THSD7A: variants seen among roughly 807,000 people sequenced by gnomAD.
THSD7A encodes the protein thrombospondin type-1 domain-containing protein 7A.
THSD7A carries 96 observed loss-of-function variants against 231.3 expected under a neutral mutation model. That is an observed-to-expected ratio of 0.41 (90% CI 0.35 to 0.49). The LOEUF (loss-of-function observed/expected upper bound fraction) is 0.49, where lower values mean the gene tolerates loss of function less well. Among genes scored for constraint, THSD7A ranks in the 20% least tolerant of loss-of-function variants. The pLI, the probability that THSD7A is intolerant of heterozygous loss-of-function variation, is 0.05. For synonymous variants in THSD7A, 940 were observed against 743.3 expected, an observed-to-expected ratio of 1.26 and a Z score of -4.30; for missense variants, 2,290 against 2,070.2, an observed-to-expected ratio of 1.11 and a Z score of -2.06.
chr7:11,462,778 G>A (rs542848812), intron 9 of THSD7A, among the ~76,000 whole-genome samples: 153 of 151,838 alleles, frequency 1.0e-3, no homozygotes, highest in African/African-American at 3.6e-3. Context: ...AGTCAAAATA[G>A]CAATAATTAC....
chr7:11,505,278 T>C (rs1231287665), intron 6 of THSD7A, among the ~76,000 whole-genome samples: 1 of 152,176 alleles, frequency 6.6e-6, no homozygotes. Context: ...CAAATTCTTC[T>C]CTCAAAATGT....
chr7:11,771,321 C>A (rs954049793), intron 1 of THSD7A, among the ~76,000 whole-genome samples: 4 of 151,586 alleles, frequency 2.6e-5, no homozygotes, highest in Non-Finnish European at 5.9e-5. Flanking sequence ...ATCTTTAACA[C>A]TTATTAGAAA....
chr7:11,773,908 G>T (rs1487386598), intron 1 of THSD7A, among the ~76,000 whole-genome samples: 1 of 152,120 alleles, frequency 6.6e-6, no homozygotes, highest in African/African-American at 2.4e-5. Flanking sequence ...CAAATGGCAT[G>T]AAGAGACAAT....
chr7:11,502,004 T>A (rs953674384), intron 6 of THSD7A, among the ~76,000 whole-genome samples: 1 of 152,046 alleles, frequency 6.6e-6, no homozygotes, highest in African/African-American at 2.4e-5. Flanking sequence ...CAAACAACCC[T>A]ATGCACACAA....
chr7:11,565,320 A>G (rs143537351), intron 4 of THSD7A, among the ~76,000 whole-genome samples: 392 of 152,330 alleles, frequency 2.6e-3, no homozygotes, highest in African/African-American at 9.0e-3. Context: ...AAGTTCTGCA[A>G]ACAGCTCCAC....
intron 1 of THSD7A, among the ~76,000 whole-genome samples, chr7:11,731,198 A>C (rs551710120): frequency 6.6e-6 from 1 of 151,480 alleles, no homozygotes; most frequent in African/African-American, 2.4e-5. Context: ...ATAGTGTCAT[A>C]TTTTACTGTT....
At chr7:11,513,159 G>A (rs117201869) in intron 6 of THSD7A, among the ~76,000 whole-genome samples, 2,424 of 151,316 alleles carry the variant, frequency 0.016, 29 homozygotes, top group Admixed American at 0.028. Context: ...GACTTGGGGG[G>A]AAGAGTGGGA....
At chr7:11,594,867 TGTCTA>T (rs1233203152) in intron 2 of THSD7A, among the ~76,000 whole-genome samples, 9 of 152,262 alleles carry the variant, frequency 5.9e-5, no homozygotes, top group Non-Finnish European at 7.3e-5. Context: ...CCTCACCAGG[TGTCTA>T]CTGTTAAAGT....
chr7:11,765,310 A>T (rs1290304536), intron 1 of THSD7A, among the ~76,000 whole-genome samples: 1 of 152,180 alleles, frequency 6.6e-6, no homozygotes, highest in Non-Finnish European at 1.5e-5. Context: ...TTTCTCATAG[A>T]ATTATGAATA....
At chr7:11,532,013 G>C (rs1381384590) in intron 6 of THSD7A, among the ~76,000 whole-genome samples, 1 of 152,126 alleles carries the variant, frequency 6.6e-6, no homozygotes, top group Non-Finnish European at 1.5e-5. Context: ...GAATGTGGCA[G>C]AAGTGGTCTT....
Position 11,474,221 on chromosome 7 carries a change from A to T in THSD7A, c.2252+113T>A. On this transcript the variant is annotated intron_variant, in intron 8 of 27. Coordinates refer to ENST00000423059, the MANE Select transcript of THSD7A (RefSeq NM_015204.3). This position sits in a 1 kb window ranked among gnomAD's most constrained non-coding sequence, Gnocchi z 4.1. ...TCAAAACAAACAAATCTTGCTCTTG[A>T]GGACAGGTATGACAAGCATCAAAAT... is the stretch of plus-strand genomic sequence containing the variant. 1 of 862,402 alleles carries T rather than the reference A, an allele frequency of 1.2e-6. No individual in the cohort carries two copies. The highest frequency in any genetic ancestry group is 1.7e-6 in the Non-Finnish European group (1 of 572,518). 53.4% of individuals were successfully genotyped at this position (862,402 alleles called of 1,614,324 possible).
intron 1 of THSD7A, among the ~76,000 whole-genome samples, chr7:11,711,966 C>G (rs970375390): frequency 6.6e-5 from 10 of 151,016 alleles, no homozygotes; most frequent in African/African-American, 1.7e-4. Flanking sequence ...GGGTATCGTC[C>G]TCTAGGTGGT....
intron 1 of THSD7A, among the ~76,000 whole-genome samples, chr7:11,671,797 A>G (rs1441061170): frequency 2.6e-5 from 4 of 152,212 alleles, no homozygotes; most frequent in Non-Finnish European, 4.4e-5. Flanking sequence ...AATCCAAACT[A>G]GGATGCTTAA....
chr7:11,410,501 C>T (rs1250922793), intron 19 of THSD7A: 2 of 152,288 alleles, frequency 1.3e-5, no homozygotes, highest in Middle Eastern at 3.4e-3. Flanking sequence ...ACCTCAGATG[C>T]ATGGAGAGTC....
chr7:11,736,865 A>T lies in THSD7A; in HGVS notation c.190+94892T>A, dbSNP rs145302311. On this transcript the variant is annotated intron_variant, in intron 1 of 27. Coordinates refer to ENST00000423059, the MANE Select transcript of THSD7A (RefSeq NM_015204.3). ...ACAATCCCCACCTGTCATAGGAAGG[A>T]TCTGGTGGGAGATAATTGAATCATG... Among the ~76,000 whole-genome samples, 479 of 152,132 alleles carry T rather than the reference A, an allele frequency of 3.1e-3. 3 individuals carry two copies. Among genetic ancestry groups the T allele is most frequent in the South Asian group, 0.018 (86 of 4,820 alleles).
chr7:11,477,725 A>G (rs1786251505), intron 7 of THSD7A, among the ~76,000 whole-genome samples: 1 of 152,044 alleles, frequency 6.6e-6, no homozygotes, highest in African/African-American at 2.4e-5. Flanking sequence ...TACTTCTTCT[A>G]TTGCAGCTGT....
At chr7:11,638,261 G>A (rs993504015) in intron 1 of THSD7A, among the ~76,000 whole-genome samples, 3 of 152,338 alleles carry the variant, frequency 2.0e-5, no homozygotes, top group African/African-American at 7.2e-5. Context: ...CAGGAAACAA[G>A]AAGGGAAAGT....
At chr7:11,412,148 A>G (rs1783808237) in intron 18 of THSD7A, among the ~76,000 whole-genome samples, 2 of 152,164 alleles carry the variant, frequency 1.3e-5, no homozygotes, top group South Asian at 2.1e-4. Context: ...GCAACTTATA[A>G]TAAATCTGTT....
chr7:11,830,238 G>A (rs975411915), intron 1 of THSD7A, among the ~76,000 whole-genome samples: 4 of 152,104 alleles, frequency 2.6e-5, no homozygotes, highest in Non-Finnish European at 5.9e-5. Context: ...TGTTGGCTGG[G>A]CTCTTTTCCA....
Sources: allele counts gnomAD v4.1 joint callset (sites outside exome capture counted in the v4.1 genomes callset), GRCh38; gene constraint gnomAD v4.1.1; non-coding constraint Gnocchi (gnomAD v3.1); transcripts MANE v1.5; gene names NCBI Gene and HGNC (gene_info 2026-07-23, HGNC 2026-07-21).